Variants in CHD2 observed in about 807,000 individuals in gnomAD.
CHD2 encodes the protein chromodomain helicase DNA binding protein 2, also known as ATP-dependent chromatin remodeler CHD2.
In CHD2, 28 loss-of-function variants were observed where a neutral mutation model predicts 243.9. That is an observed-to-expected ratio of 0.11 (90% CI 0.09 to 0.16). CHD2 has a LOEUF of 0.16. Ranked by LOEUF, CHD2 falls within the 10% of genes least tolerant of loss-of-function variation. CHD2 has a pLI of 1.00. For synonymous variants in CHD2, 775 were observed against 779.0 expected (o/e 0.99, Z 0.09); for missense variants, 1,386 against 2,209.8 (o/e 0.63, Z 7.47).
At chr15:92,949,368 A>G in intron 13 of CHD2, 1 of 447,574 alleles carries the variant, frequency 2.2e-6, no homozygotes, top group Non-Finnish European at 3.3e-6. Flanking sequence ...GAGTGTATAT[A>G]GCAAGTTAAG....
intron 25 of CHD2, among the ~76,000 whole-genome samples, chr15:92,984,996 G>T (rs1337941171): frequency 6.6e-6 from 1 of 152,142 alleles, no homozygotes; most frequent in Non-Finnish European, 1.5e-5. Flanking sequence ...GGTAGAACAA[G>T]TTTTTTTACC....
In CHD2 at chr15:93,002,227, G is replaced by A. The variant is rs1318683320; in HGVS notation, c.4188G>A (p.Glu1396=). ...SPMKKKQKKK[E]NKENKEKQMS... Reference sequence around the variant, plus strand: ...TGAAAAAAAAACAGAAGAAGAAAGAGAACAAGGAGAACAAGGAGAAACAAA... The same window carrying A: ...TGAAAAAAAAACAGAAGAAGAAAGAAAACAAGGAGAACAAGGAGAAACAAA... The change falls in exon 33 of 39, where the codon GAG becomes GAA. Residue 1396 remains glutamate (E), a synonymous_variant. Coordinates refer to ENST00000394196, the MANE Select transcript of CHD2 (RefSeq NM_001271.4). The A allele has an allele frequency of 6.3e-6, 10 of 1,597,402 alleles. No homozygotes were observed. Among genetic ancestry groups the A allele is most frequent in the Non-Finnish European group, 8.5e-6 (10 of 1,170,904 alleles).
At position 92,998,411 on chromosome 15, in the gene CHD2, G is replaced by A. The variant is rs113087314; in HGVS notation, c.3886-88G>A. On this transcript the variant is annotated intron_variant, in intron 30 of 38. Coordinates refer to ENST00000394196, the MANE Select transcript of CHD2 (RefSeq NM_001271.4). The surrounding 1 kb of genome is among the most constrained non-coding windows in gnomAD (Gnocchi z 5.1). ...TGGGTGGTTGGGGAGGGAAAGGACT[G>A]TGCTCAGTTTTTGTTGTCTCTGTTT... The A allele has an allele frequency of 1.2e-5, 18 of 1,560,256 alleles. No individual in the cohort carries two copies. In the African/African-American group the frequency reaches 1.6e-4, roughly 14 times the overall value.
In CHD2 at chr15:92,998,137, G is replaced by A. The variant is rs2054209386; in HGVS notation, c.3886-362G>A. 9.9e-7 allele frequency: 1 copy of A among 1,009,426 alleles called. No homozygotes were observed. The highest frequency in any genetic ancestry group is 1.2e-6 in the Non-Finnish European group (1 of 842,886). 62.5% of individuals were successfully genotyped at this position (1,009,426 alleles called of 1,614,324 possible). ...AGAAGCATTTTCAATCTAAAACGAA[G>A]CTTTAACCTAGCTCCAGGGATTCCC... On this transcript the variant is annotated intron_variant, in intron 30 of 38. Transcript: ENST00000394196. This position sits in a 1 kb window ranked among gnomAD's most constrained non-coding sequence, Gnocchi z 5.1.
intron 21 of CHD2, 128 bp from the exon 22 acceptor site, chr15:92,979,007 T>C: frequency 1.6e-6 from 2 of 1,221,202 alleles, no homozygotes; most frequent in East Asian, 2.4e-5. Context: ...TACAGTCTTC[T>C]ATGGTTAGAG....
At position 92,946,172 on chromosome 15, in the gene CHD2, C is replaced by T. The variant is rs1464263588; in HGVS notation, c.1333C>T (p.His445Tyr). 1 of 1,613,466 alleles carries T rather than the reference C, an allele frequency of 6.2e-7. No homozygotes were observed. The change falls in exon 12 of 39, where the codon CAC (histidine) becomes TAC (tyrosine). Residue 445 changes from histidine (H) to tyrosine (Y), a missense_variant. His to Tyr is a moderately conservative substitution (Grantham distance 83). This residue lies in a region of CHD2 where 200 missense variants were observed against 292.5 expected (regional missense o/e 0.68). Coordinates refer to ENST00000394196, the MANE Select transcript of CHD2 (RefSeq NM_001271.4). ...ATTCCAGAATTGCATTGACAGCTTC[C>T]ACAGTAGGAACAACTCAAAAACCAT... Reference protein sequence around the residue: ...KKFQNCIDSFHSRNNSKTIPT... With the variant: ...KKFQNCIDSFYSRNNSKTIPT...
chr15:92,970,631 A>G (rs1264195887), intron 17 of CHD2, among the ~76,000 whole-genome samples: 2 of 152,214 alleles, frequency 1.3e-5, no homozygotes, highest in Non-Finnish European at 1.5e-5. Context: ...CATACCGTAT[A>G]CACTTTTCTC....
At chr15:92,907,690 A>G (rs1224185246) in intron 2 of CHD2, among the ~76,000 whole-genome samples, 1 of 152,212 alleles carries the variant, frequency 6.6e-6, no homozygotes, top group African/African-American at 2.4e-5. Context: ...TTGGGTCATG[A>G]AGATTAAATA....
chr15:92,937,302 A>T (rs1018728016), intron 5 of CHD2, among the ~76,000 whole-genome samples: 2 of 152,118 alleles, frequency 1.3e-5, no homozygotes, highest in Non-Finnish European at 2.9e-5. Flanking sequence ...ATCCATTTTT[A>T]TTTATTTTTG....
intron 2 of CHD2, among the ~76,000 whole-genome samples, chr15:92,906,263 C>A (rs1000621636): frequency 1.3e-5 from 2 of 152,218 alleles, no homozygotes; most frequent in East Asian, 1.9e-4. Flanking sequence ...TTCTCTCTCT[C>A]TCTCTGTATC....
In CHD2 at chr15:92,901,279, G is replaced by A. The variant is rs1163731878; in HGVS notation, c.42G>A (p.Ser14=). The change falls in exon 2 of 39, where the codon TCG becomes TCA. Residue 14 remains serine (S), a synonymous_variant. Transcript: ENST00000394196. ...ACAAAAGCCAAGAGGAGGACAGTTCGCTACACAGCAATGCATCGAGGTATG... is the reference window on the plus strand; with the variant it reads ...ACAAAAGCCAAGAGGAGGACAGTTCACTACACAGCAATGCATCGAGGTATG... ...NKDKSQEEDS[S]LHSNASSHSA... is the part of the protein sequence containing the mutation. 6.2e-7 allele frequency: 1 copy of A among 1,607,844 alleles called. No homozygotes were observed. Among genetic ancestry groups the A allele is most frequent in the Admixed American group, 1.7e-5 (1 of 59,906 alleles).
chr15:92,904,821 A>G, intron 2 of CHD2: 3 of 1,496,610 alleles, frequency 2.0e-6, no homozygotes, highest in South Asian at 2.6e-5. Flanking sequence ...TAATTTTGTT[A>G]CAATTGACCA....
chr15:92,993,149 T>C (rs2054142411), intron 28 of CHD2, 151 bp downstream of exon 28: 3 of 717,978 alleles, frequency 4.2e-6, no homozygotes, highest in East Asian at 2.8e-5. Context: ...GTGAGCTTAA[T>C]ATTCTACTCT....
chr15:92,937,365 T>C lies in CHD2; in HGVS notation c.444-153T>C, dbSNP rs118061116. ...TTATGTAGTCCAGGAAGGATCACAA[T>C]TCAAGTTTAAATGGAGCTAGAATCT... On this transcript the variant is annotated intron_variant, in intron 5 of 38. Coordinates refer to ENST00000394196, the MANE Select transcript of CHD2 (RefSeq NM_001271.4). 3.1e-3 allele frequency among the ~76,000 whole-genome samples: 477 copies of C among 152,348 alleles called. 1 individual carries two copies. The highest frequency in any genetic ancestry group is 0.01 in the Middle Eastern group (3 of 294).
rs1341142797 is a variant in CHD2, at chr15:93,019,990, ATCAT to A, written c.4907-19_4907-16del. ...TTCATCCATTTCTTGCAGTCATCAG[ATCAT>A]TCTTTCTTTTCCTGCAGATCGAGGA... On this transcript the variant is annotated intron_variant, in intron 37 of 38. Coordinates refer to ENST00000394196, the MANE Select transcript of CHD2 (RefSeq NM_001271.4). 3.1e-6 allele frequency: 5 copies of A among 1,602,052 alleles called. No individual in the cohort carries two copies. The highest frequency in any genetic ancestry group is 4.3e-6 in the Non-Finnish European group (5 of 1,172,070).
At position 92,984,331 on chromosome 15, in the gene CHD2, T is replaced by G. The variant is rs2141850562; in HGVS notation, c.3068T>G (p.Val1023Gly). The G allele has an allele frequency of 6.4e-7, 1 of 1,573,380 alleles. No individual in the cohort carries two copies. Among genetic ancestry groups the G allele is most frequent in the Non-Finnish European group, 8.6e-7 (1 of 1,160,474 alleles). The change falls in exon 25 of 39, where the codon GTT becomes GGT. Residue 1023 changes from valine to glycine, a missense_variant and splice_region_variant. Coordinates refer to ENST00000394196, the MANE Select transcript of CHD2 (RefSeq NM_001271.4). ...AGACAATGGGTTGTCTGTTTTAAGG[T>G]TGCCAACTTTGCAACAATGGAAGAT... ...ATDELLSQFKVANFATMEDEE... is the reference protein window; with the variant it reads ...ATDELLSQFKGANFATMEDEE...
chr15:92,980,346 C>G (rs1034291466), intron 22 of CHD2, among the ~76,000 whole-genome samples: 1 of 151,464 alleles, frequency 6.6e-6, no homozygotes, highest in Non-Finnish European at 1.5e-5. Flanking sequence ...TAGGTGTGAG[C>G]CATTGTGCCC....
chr15:93,009,334 T>A lies in CHD2; in HGVS notation c.4592+11T>A. 6.2e-7 allele frequency: 1 copy of A among 1,611,694 alleles called. No homozygotes were observed. Among genetic ancestry groups the A allele is most frequent in the Non-Finnish European group, 8.5e-7 (1 of 1,178,080 alleles). Reference sequence around the variant, plus strand: ...CAAACTCTGGAGGAGGTAACCACTTTGGCCTCGTCTGCCCAGTTTGATTTG... The same window carrying A: ...CAAACTCTGGAGGAGGTAACCACTTAGGCCTCGTCTGCCCAGTTTGATTTG... On this transcript the variant is annotated intron_variant, in intron 35 of 38. Transcript: ENST00000394196.
intron 19 of CHD2, 48 bp from the exon 20 acceptor site, chr15:92,974,831 G>GTAGCTGATCT: frequency 6.5e-7 from 1 of 1,550,188 alleles, no homozygotes. Flanking sequence ...TATTCTGAGT[G>GTAGCTGATCT]TAGCTGATCT....
Sources: gnomAD v4.1 joint callset for allele counts (sites outside exome capture counted in the v4.1 genomes callset) on GRCh38, gnomAD v4.1.1 for gene constraint, gnomAD v4.1.1 regional missense constraint, Gnocchi (gnomAD v3.1) non-coding constraint, MANE v1.5 for transcripts, NCBI Gene and HGNC (gene_info 2026-07-23, HGNC 2026-07-21) for gene names.